Variants in MBD5 observed in about 807,000 individuals in gnomAD.
The protein encoded by MBD5 is methyl-CpG-binding domain protein 5.
MBD5 carries 13 observed loss-of-function variants against 117.3 expected under a neutral mutation model. That is an observed-to-expected ratio of 0.11 (90% CI 0.07 to 0.18). The LOEUF (loss-of-function observed/expected upper bound fraction) is 0.18. Ranked by LOEUF, MBD5 falls within the 10% of genes least tolerant of loss-of-function variation. The probability of loss-of-function intolerance (pLI) is 1.00; values close to 1 mark genes in which losing one functional copy is unlikely to be tolerated. For missense variants in MBD5, 1,879 were observed against 2,093.8 expected (o/e 0.90, Z 2.00); for synonymous variants, 727 against 766.4 (o/e 0.95, Z 0.85).
intron 3 of MBD5, among the ~76,000 whole-genome samples, chr2:148,272,019 T>G (rs78511907): frequency 0.13 from 19,172 of 152,238 alleles, 1,452 homozygotes; most frequent in Non-Finnish European, 0.18. Flanking sequence ...AGATTCCACA[T>G]GTAAATAAGA....
chr2:148,073,177 G>T (rs1413246888), intron 1 of MBD5, among the ~76,000 whole-genome samples: 2 of 152,114 alleles, frequency 1.3e-5, no homozygotes, highest in African/African-American at 4.8e-5. Context: ...GTATGCCAAG[G>T]AGATAGATCA....
At chr2:148,383,316 T>C (rs1704220568) in intron 4 of MBD5, among the ~76,000 whole-genome samples, 2 of 152,150 alleles carry the variant, frequency 1.3e-5, no homozygotes, top group South Asian at 4.1e-4. Flanking sequence ...CATCAGAGAA[T>C]ACTATAAACA....
chr2:148,022,068 T>TC (rs1198334740), intron 1 of MBD5, among the ~76,000 whole-genome samples: 1 of 152,144 alleles, frequency 6.6e-6, no homozygotes, highest in Non-Finnish European at 1.5e-5. Flanking sequence ...GAGCTCTTTT[T>TC]CTCCAGGAAA....
Position 148,483,282 on chromosome 2 carries a change from A to C in MBD5, c.2691A>C (p.Ala897=). ...TTCCTTTTGTTGGCCAGGAGCACGC[A>C]CTTCATTTTCCATCCAACAGCACTT... ...SDFPFVGQEH[A]LHFPSNSTSN... is the part of the protein sequence containing the mutation. Residue 897 remains alanine (A), a synonymous_variant, in exon 9 of 14, where the codon GCA becomes GCC. Transcript: ENST00000642680. 1.2e-6 allele frequency: 2 copies of C among 1,614,022 alleles called. No homozygotes were observed. The highest frequency in any genetic ancestry group is 1.1e-5 in the South Asian group (1 of 91,078).
intron 10 of MBD5, among the ~76,000 whole-genome samples, chr2:148,486,412 G>A (rs1451830403): frequency 6.6e-6 from 1 of 152,098 alleles, no homozygotes; most frequent in Admixed American, 6.6e-5. Flanking sequence ...GAAAATATGG[G>A]CTTTTTAAAA....
chr2:148,032,807 G>A (rs1414432761), intron 1 of MBD5, among the ~76,000 whole-genome samples: 2 of 152,070 alleles, frequency 1.3e-5, no homozygotes, highest in Non-Finnish European at 2.9e-5. Context: ...TGGTTACAGT[G>A]ACAGGTCTCA....
At chr2:148,445,459 C>T (rs562352180) in intron 4 of MBD5, among the ~76,000 whole-genome samples, 3 of 151,290 alleles carry the variant, frequency 2.0e-5, no homozygotes, top group African/African-American at 2.5e-5. Context: ...CTACAAAGGA[C>T]ATGAACTCAT....
chr2:148,388,342 G>T (rs1163973091), intron 4 of MBD5, among the ~76,000 whole-genome samples: 2 of 152,052 alleles, frequency 1.3e-5, no homozygotes, highest in Non-Finnish European at 2.9e-5. Context: ...AATCACTGTG[G>T]ATATAAACGA....
At chr2:148,040,365 G>A (rs1440459971) in intron 1 of MBD5, among the ~76,000 whole-genome samples, 1 of 151,836 alleles carries the variant, frequency 6.6e-6, no homozygotes, top group East Asian at 1.9e-4. Context: ...GTACCCTACT[G>A]GTAGATAATA....
chr2:148,455,705 T>A (rs998932266), intron 4 of MBD5, among the ~76,000 whole-genome samples: 22 of 150,534 alleles, frequency 1.5e-4, no homozygotes, highest in African/African-American at 5.1e-4. Context: ...AATTACTTAA[T>A]GGAGTGAGCC....
Position 148,469,123 on chromosome 2 carries a change from G to T in MBD5, c.1180G>T (p.Val394Leu). 6.2e-7 allele frequency: 1 copy of T among 1,614,074 alleles called. No individual in the cohort carries two copies. Among genetic ancestry groups the T allele is most frequent in the Non-Finnish European group, 8.5e-7 (1 of 1,179,972 alleles). Residue 394 changes from valine (V) to leucine (L), a missense_variant, in exon 8 of 14, where the codon GTA becomes TTA. Physicochemically the swap from Val to Leu is conservative, Grantham distance 32 (BLOSUM62 1). Transcript: ENST00000642680. ...CCACTCTCAGGTACCTATGATGAAT[G>T]TAAGCATGCCTCCTGCTGTTGTTCC... is the stretch of plus-strand genomic sequence containing the variant. ...NVHSQVPMMN[V>L]SMPPAVVPLP...
intron 4 of MBD5, among the ~76,000 whole-genome samples, chr2:148,407,876 C>T (rs148266371): frequency 4.6e-5 from 7 of 152,216 alleles, no homozygotes; most frequent in African/African-American, 1.7e-4. Context: ...TGTCAACATC[C>T]GTTTTCTGAT....
chr2:148,065,158 T>G (rs955145483), intron 1 of MBD5, among the ~76,000 whole-genome samples: 2 of 152,146 alleles, frequency 1.3e-5, no homozygotes, highest in Non-Finnish European at 2.9e-5. Flanking sequence ...GTCTTAAATA[T>G]GTAAGCCCAA....
At chr2:148,345,986 C>A (rs1184696525) in intron 4 of MBD5, 3 of 151,876 alleles carry the variant, frequency 2.0e-5, no homozygotes, top group African/African-American at 7.2e-5. Context: ...GTGCCTTCCC[C>A]AGCCCACTGA....
Position 148,468,742 on chromosome 2 carries a change from C to T in MBD5, c.799C>T (p.His267Tyr). Residue 267 changes from histidine to tyrosine, a missense_variant, in exon 8 of 14, where the codon CAC (histidine) becomes TAC (tyrosine). Physicochemically the swap from His to Tyr is moderately conservative, Grantham distance 83. Transcript: ENST00000642680. ...FHGAPNSSPI[H>Y]LNRTPLSPPS... ...TGGAGCTCCCAATTCTAGTCCTATTCACCTGAATAGGACTCCTCTTTCTCC... is the reference window on the plus strand; with the variant it reads ...TGGAGCTCCCAATTCTAGTCCTATTTACCTGAATAGGACTCCTCTTTCTCC... 1 of 1,613,950 alleles carries T rather than the reference C, an allele frequency of 6.2e-7. No homozygotes were observed. Among genetic ancestry groups the T allele is most frequent in the South Asian group, 1.1e-5 (1 of 91,072 alleles).
At chr2:148,157,957 G>A (rs1039058291) in intron 1 of MBD5, among the ~76,000 whole-genome samples, 3 of 152,088 alleles carry the variant, frequency 2.0e-5, no homozygotes, top group African/African-American at 4.8e-5. Context: ...AGAGGTGGTG[G>A]TTACACAATA....
At chr2:148,318,470 C>A (rs1426075845) in intron 3 of MBD5, among the ~76,000 whole-genome samples, 6 of 151,682 alleles carry the variant, frequency 4.0e-5, no homozygotes, top group Non-Finnish European at 8.8e-5. Context: ...TTAATTTAGT[C>A]CTATTTGTCT....
At chr2:148,349,770 A>T (rs1433660133) in intron 4 of MBD5, among the ~76,000 whole-genome samples, 2 of 152,026 alleles carry the variant, frequency 1.3e-5, no homozygotes, top group African/African-American at 4.8e-5. Context: ...TGCCATGAAA[A>T]TCTAATAAAA....
chr2:148,464,853 C>T (rs1249140393), intron 7 of MBD5, among the ~76,000 whole-genome samples: 1 of 148,840 alleles, frequency 6.7e-6, no homozygotes, highest in Non-Finnish European at 1.5e-5. Context: ...TACCTTTAGT[C>T]TTAGCTACTT....
Sources: allele counts gnomAD v4.1 joint callset (sites outside exome capture counted in the v4.1 genomes callset), GRCh38; gene constraint gnomAD v4.1.1; transcripts MANE v1.5; gene names NCBI Gene and HGNC (gene_info 2026-07-23, HGNC 2026-07-21).